The following PRICKLE2 variants were observed in gnomAD, a reference collection of about 807,000 sequenced individuals.
The protein encoded by PRICKLE2 is prickle-like protein 2.
PRICKLE2 carries 21 observed loss-of-function variants against 81.4 expected under a neutral mutation model. The ratio of observed to expected loss-of-function variants is 0.26; its 90% confidence interval spans 0.18 to 0.37. PRICKLE2 has a LOEUF of 0.37. PRICKLE2 is among the 10% of genes least tolerant of loss of function. PRICKLE2 has a pLI of 1.00. For synonymous variants in PRICKLE2, 456 were observed against 421.5 expected (o/e 1.08, Z -1.00); for missense variants, 940 against 1,109.0 (o/e 0.85, Z 2.16).
chr3:64,143,013 A>C (rs2077387533), intron 7 of PRICKLE2, among the ~76,000 whole-genome samples: 1 of 152,168 alleles, frequency 6.6e-6, no homozygotes, highest in African/African-American at 2.4e-5. Context: ...CTATTAATTA[A>C]TTAGAAAGAC....
intron 6 of PRICKLE2, among the ~76,000 whole-genome samples, chr3:64,148,569 GATGCTATGGTGA>G (rs2077494351): frequency 6.6e-6 from 1 of 152,140 alleles, no homozygotes; most frequent in Admixed American, 6.5e-5. Context: ...CAACTCAGTG[GATGCTATGGTGA>G]ATGTTTTCTT....
intron 2 of PRICKLE2, among the ~76,000 whole-genome samples, chr3:64,188,320 G>A (rs573431263): frequency 6.6e-6 from 1 of 152,340 alleles, no homozygotes; most frequent in Admixed American, 6.5e-5. Flanking sequence ...ACAGAGTTAA[G>A]TGATGGAGTC....
At chr3:64,223,572 C>T (rs2107152132) in intron 1 of PRICKLE2, among the ~76,000 whole-genome samples, 1 of 152,262 alleles carries the variant, frequency 6.6e-6, no homozygotes, top group East Asian at 1.9e-4. Context: ...TCTGGCTGCC[C>T]CGTGAATCTT....
intron 2 of PRICKLE2, among the ~76,000 whole-genome samples, chr3:64,253,468 T>G (rs1388217891): frequency 2.0e-5 from 3 of 152,200 alleles, no homozygotes; most frequent in African/African-American, 7.2e-5. Flanking sequence ...GAAGTTCACA[T>G]GAGAAACCCT....
chr3:64,160,547 G>A (rs2077715843), intron 3 of PRICKLE2, among the ~76,000 whole-genome samples: 1 of 152,218 alleles, frequency 6.6e-6, no homozygotes, highest in African/African-American at 2.4e-5. Context: ...CGTGCTCACA[G>A]CTTCTGTTCT....
intron 2 of PRICKLE2, among the ~76,000 whole-genome samples, chr3:64,249,187 C>A (rs1465049875): frequency 6.6e-6 from 1 of 152,136 alleles, no homozygotes; most frequent in Non-Finnish European, 1.5e-5. Flanking sequence ...AACTTACAAT[C>A]ATGGCAGAAG....
chr3:64,267,804 T>C (rs991195728), intron 2 of PRICKLE2: 1 of 152,214 alleles, frequency 6.6e-6, no homozygotes, highest in African/African-American at 2.4e-5. Flanking sequence ...AGTTTCCAGC[T>C]GCAAGGCCCC....
chr3:64,141,772 T>G, intron 7 of PRICKLE2: 2 of 983,420 alleles, frequency 2.0e-6, no homozygotes, highest in Non-Finnish European at 2.4e-6. Context: ...TGAGGAAAAA[T>G]GCTGCCCACA....
At chr3:64,250,189 C>T (rs781341985) in intron 2 of PRICKLE2, among the ~76,000 whole-genome samples, 5 of 152,178 alleles carry the variant, frequency 3.3e-5, no homozygotes, top group Admixed American at 6.5e-5. Context: ...GAACAATATC[C>T]TCATGGAGTT....
rs200290330 is a variant in PRICKLE2 at position 64,149,882 on chromosome 3, AT to A, written c.788-2181del. Reference sequence around the variant, plus strand: ...ACCTGGCCTTAGAGACTAAGAGGGGATTTTTTTTTATAGGGATAGGAGCAGC... The same window carrying A: ...ACCTGGCCTTAGAGACTAAGAGGGGATTTTTTTTATAGGGATAGGAGCAGC... On this transcript the variant is annotated intron_variant, in intron 6 of 7. Coordinates refer to ENST00000638394, the MANE Select transcript of PRICKLE2 (RefSeq NM_198859.4). Among the ~76,000 whole-genome samples, 222 of 144,082 alleles carry A rather than the reference AT, an allele frequency of 1.5e-3. 1 individual carries two copies. The highest frequency in any genetic ancestry group is 5.2e-3 in the African/African-American group (206 of 39,444). 94.5% of individuals were successfully genotyped at this position (144,082 alleles called of 152,430 possible).
At chr3:64,175,554 A>G (rs921708113) in intron 2 of PRICKLE2, among the ~76,000 whole-genome samples, 5 of 152,308 alleles carry the variant, frequency 3.3e-5, no homozygotes, top group Non-Finnish European at 7.4e-5. Flanking sequence ...TTCATATGAA[A>G]CTGAATTGTT....
chr3:64,254,863 T>C (rs2079501751), intron 2 of PRICKLE2, among the ~76,000 whole-genome samples: 1 of 152,218 alleles, frequency 6.6e-6, no homozygotes, highest in Non-Finnish European at 1.5e-5. Flanking sequence ...ACTTACCAGT[T>C]GTATGGTCTT....
intron 2 of PRICKLE2, among the ~76,000 whole-genome samples, chr3:64,253,732 A>T (rs2079483330): frequency 6.6e-6 from 1 of 152,170 alleles, no homozygotes; most frequent in Non-Finnish European, 1.5e-5. Context: ...AACTAAGAAG[A>T]AGGGGGAAGA....
intron 7 of PRICKLE2, chr3:64,105,605 T>C (rs1373407321): frequency 6.6e-6 from 1 of 152,196 alleles, no homozygotes; most frequent in Non-Finnish European, 1.5e-5. Context: ...TAGCCCACCA[T>C]CTGGGGTTTC....
rs1327222731 is a variant in PRICKLE2 at position 64,098,087 on chromosome 3, AACATAATGCC to A, written c.*954_*963del. 1 of 152,710 alleles carries A rather than the reference AACATAATGCC, an allele frequency of 6.5e-6. No individual in the cohort carries two copies. The highest frequency in any genetic ancestry group is 1.5e-5 in the Non-Finnish European group (1 of 68,060). The allele number at this position is 152,710 out of a possible 1,614,324, so 9.5% of individuals were successfully genotyped here. A position where few individuals can be genotyped will look rare whatever the true frequency, so the allele number is the denominator to read the frequency against. On this transcript the variant is annotated 3_prime_UTR_variant, in exon 8 of 8. Coordinates refer to ENST00000638394, the MANE Select transcript of PRICKLE2 (RefSeq NM_198859.4). ...ACAATCCAGGAAACATGAGCACCAG[AACATAATGCC>A]ACATTCAAAACAACGTCATGCTGAC...
chr3:64,152,192 A>G (rs1490642853), intron 6 of PRICKLE2, among the ~76,000 whole-genome samples: 1 of 152,232 alleles, frequency 6.6e-6, no homozygotes, highest in Non-Finnish European at 1.5e-5. Flanking sequence ...ATGGGCTCCA[A>G]AATGGATTAT....
chr3:64,251,102 A>C (rs2079441329), intron 2 of PRICKLE2, among the ~76,000 whole-genome samples: 1 of 152,234 alleles, frequency 6.6e-6, no homozygotes, highest in African/African-American at 2.4e-5. Context: ...GTGCTCAATA[A>C]AGATATTTTG....
chr3:64,193,630 A>T (rs1463911297), intron 2 of PRICKLE2, among the ~76,000 whole-genome samples: 3 of 152,172 alleles, frequency 2.0e-5, no homozygotes, highest in African/African-American at 7.2e-5. Flanking sequence ...ACAGGCTGAT[A>T]TGGTTTGGCT....
intron 1 of PRICKLE2, among the ~76,000 whole-genome samples, chr3:64,215,804 T>C (rs1002001687): frequency 6.6e-6 from 1 of 152,232 alleles, no homozygotes; most frequent in Non-Finnish European, 1.5e-5. Context: ...ACCATAACTA[T>C]AGTGTAGTAA....
Sources: gnomAD v4.1 joint callset for allele counts (sites outside exome capture counted in the v4.1 genomes callset) on GRCh38, gnomAD v4.1.1 for gene constraint, MANE v1.5 for transcripts, NCBI Gene and HGNC (gene_info 2026-07-23, HGNC 2026-07-21) for gene names.